AAAS: variants seen among roughly 807,000 people sequenced by gnomAD.
AAAS encodes aladin.
In AAAS, 60 loss-of-function variants were observed where a neutral mutation model predicts 75.6. The ratio of observed to expected loss-of-function variants is 0.79; its 90% CI spans 0.64 to 0.98. The LOEUF is 0.98. AAAS is among the 50% of genes least tolerant of loss of function. The pLI, the probability that AAAS is intolerant of heterozygous loss-of-function variation, is 0.00. For missense variants in AAAS, 658 were observed against 686.9 expected (o/e 0.96, Z 0.47); for synonymous variants, 271 against 265.0 (o/e 1.02, Z -0.22).
At chr12:53,317,540 G>T (rs944492309) in intron 2 of AAAS, among the ~76,000 whole-genome samples, 33 of 145,426 alleles carry the variant, frequency 2.3e-4, no homozygotes, top group African/African-American at 7.7e-4. Context: ...CTGGGCAACA[G>T]AGCGAGACTC....
At chr12:53,320,822 G>T in intron 1 of AAAS, 130 bp from the exon 2 acceptor site, 1 of 1,064,314 alleles carries the variant, frequency 9.4e-7, no homozygotes, top group Non-Finnish European at 1.4e-6. Context: ...TTTCCACAAA[G>T]CTAACACTTG....
chr12:53,308,279 C>T lies in AAAS; in HGVS notation c.1249+3G>A. 6.2e-7 allele frequency: 1 copy of T among 1,614,204 alleles called. No homozygotes were observed. The highest frequency in any genetic ancestry group is 8.5e-7 in the Non-Finnish European group (1 of 1,180,020). ...GGCTGAGCCCTTCATCCTTGCCTCT[C>T]ACCTTTCATAAGCACAGCCAGACGT... On this transcript the variant is annotated splice_donor_region_variant and intron_variant, in intron 13 of 15. Coordinates refer to ENST00000209873, the MANE Select transcript of AAAS (RefSeq NM_015665.6).
chr12:53,316,328 TAGTCCC>T (rs1406705945), intron 2 of AAAS, among the ~76,000 whole-genome samples: 1 of 151,430 alleles, frequency 6.6e-6, no homozygotes, highest in Non-Finnish European at 1.5e-5. Context: ...TGCGTACCTG[TAGTCCC>T]AGCTACTCAG....
In AAAS at chr12:53,321,599, C is replaced by T; in HGVS notation, c.-134G>A. 1 of 1,493,966 alleles carries T rather than the reference C, an allele frequency of 6.7e-7. No individual in the cohort carries two copies. The highest frequency in any genetic ancestry group is 9.2e-7 in the Non-Finnish European group (1 of 1,086,472). The allele number at this position is 1,493,966 out of a possible 1,614,324, so 92.5% of individuals were successfully genotyped here. ...GCAAGGGACAAACGGCGAGGCGGAA[C>T]TCAACGGAAGTGAAGAAAAGACTAA... On this transcript the variant is annotated 5_prime_UTR_variant, in exon 1 of 16. Transcript: ENST00000209873.
intron 2 of AAAS, among the ~76,000 whole-genome samples, chr12:53,316,864 G>A (rs1944470970): frequency 6.6e-6 from 1 of 151,530 alleles, no homozygotes; most frequent in Non-Finnish European, 1.5e-5. Flanking sequence ...TGGATCGCCT[G>A]AGCTCAAGAG....
In AAAS at chr12:53,315,320, G is replaced by A; in HGVS notation, c.399+15C>T. The A allele has an allele frequency of 6.2e-7, 1 of 1,613,860 alleles. No individual in the cohort carries two copies. Among genetic ancestry groups the A allele is most frequent in the Non-Finnish European group, 8.5e-7 (1 of 1,179,752 alleles). On this transcript the variant is annotated intron_variant, in intron 4 of 15. Transcript: ENST00000209873. ...CACAGCAAATGCAGAGGGCTGGGGA[G>A]GAAGCCAAACTTACAGACAGATGGG...
intron 1 of AAAS, 22 bp downstream of exon 1, chr12:53,321,321 C>T: frequency 6.2e-7 from 1 of 1,611,974 alleles, no homozygotes; most frequent in Non-Finnish European, 8.5e-7. Context: ...CTGTAGGTCC[C>T]CTCCCTCCTC....
chr12:53,307,515 G>T lies in AAAS; in HGVS notation c.1615C>A (p.Pro539Thr). Residue 539 changes from proline to threonine, a missense_variant, in exon 16 of 16, where the codon CCC (proline) becomes ACC (threonine). Transcript: ENST00000209873. ...DPLPGPPPVL[P>T]HSPHSHL Reference sequence around the variant, plus strand: ...TAGAGGTGGGAATGTGGGGAGTGGGGCAGAACAGGTGGTGGCCCTGGGAGA... The same window carrying T: ...TAGAGGTGGGAATGTGGGGAGTGGGTCAGAACAGGTGGTGGCCCTGGGAGA... The T allele has an allele frequency of 6.2e-7, 1 of 1,614,018 alleles. No individual in the cohort carries two copies. The highest frequency in any genetic ancestry group is 2.2e-5 in the East Asian group (1 of 44,876).
In AAAS at chr12:53,315,723, T is replaced by C; in HGVS notation, c.307+4A>G. On this transcript the variant is annotated splice_donor_region_variant and intron_variant, in intron 3 of 15. Transcript: ENST00000209873. Reference sequence around the variant, plus strand: ...TAGGGAAGGCTGGAGGGAAAAATACTTACCCTCTTCTTCTGAGTTTGCAAT... The same window carrying C: ...TAGGGAAGGCTGGAGGGAAAAATACCTACCCTCTTCTTCTGAGTTTGCAAT... The C allele has an allele frequency of 6.2e-7, 1 of 1,613,574 alleles. No individual in the cohort carries two copies. Among genetic ancestry groups the C allele is most frequent in the Non-Finnish European group, 8.5e-7 (1 of 1,179,782 alleles).
At position 53,308,333 on chromosome 12, in the gene AAAS, G is replaced by C; in HGVS notation, c.1198C>G (p.His400Asp). 6.2e-7 allele frequency: 1 copy of C among 1,614,170 alleles called. No individual in the cohort carries two copies. The highest frequency in any genetic ancestry group is 8.5e-7 in the Non-Finnish European group (1 of 1,180,024). ...DGEERLGGEAHSMVWDPSGER... is the reference protein window; with the variant it reads ...DGEERLGGEADSMVWDPSGER... ...CCACTGGGGTCCCAGACCATGGAGT[G>C]AGCCTCTCCCCCAAGCCTGTGGGTA... The change falls in exon 13 of 16, where the codon CAC becomes GAC. Residue 400 changes from histidine to aspartate, a missense_variant. Physicochemically the swap from His to Asp is moderately conservative, Grantham distance 81. Coordinates refer to ENST00000209873, the MANE Select transcript of AAAS (RefSeq NM_015665.6).
intron 7 of AAAS, among the ~76,000 whole-genome samples, chr12:53,313,002 G>A (rs759301471): frequency 8.6e-5 from 13 of 150,728 alleles, no homozygotes; most frequent in Non-Finnish European, 1.3e-4. Flanking sequence ...GACTACAGGC[G>A]AGCACCACCA....
chr12:53,308,480 G>C lies in AAAS; in HGVS notation c.1136C>G (p.Ala379Gly), dbSNP rs1489819129. The change falls in exon 12 of 16, where the codon GCA (alanine) becomes GGA (glycine). Residue 379 changes from alanine to glycine, a missense_variant. Physicochemically the swap from Ala to Gly is moderately conservative, Grantham distance 60. Transcript: ENST00000209873. ...VGGAKSATIV[A>G]DLSETTIQTP... is the part of the protein sequence containing the mutation. ...CTGTATTGTTGTCTCAGACAGATCT[G>C]CCACAATCGTTGCTGACTTTGCACC... 6.2e-7 allele frequency: 1 copy of C among 1,614,152 alleles called. No homozygotes were observed. Among genetic ancestry groups the C allele is most frequent in the East Asian group, 2.2e-5 (1 of 44,884 alleles).
At chr12:53,307,766 C>A in intron 15 of AAAS, 53 bp from the exon 16 acceptor site, 1 of 1,612,834 alleles carries the variant, frequency 6.2e-7, no homozygotes, top group East Asian at 2.2e-5. Flanking sequence ...GAAGGGCCAC[C>A]TGGCAGAGCC....
rs1555190171 is a variant in AAAS, at chr12:53,308,952, C to T, written c.996+8G>A. On this transcript the variant is annotated splice_region_variant and intron_variant, in intron 10 of 15. Transcript: ENST00000209873. ...CCCCAGTGTCTGTGAATCAGAGTCC[C>T]CTCTTACCTGACAGCGCCCTGATAG... is the stretch of plus-strand genomic sequence containing the variant. 6.2e-7 allele frequency: 1 copy of T among 1,614,162 alleles called. No homozygotes were observed. Among genetic ancestry groups the T allele is most frequent in the Admixed American group, 1.7e-5 (1 of 60,014 alleles).
At position 53,307,708 on chromosome 12, in the gene AAAS, C is replaced by T; in HGVS notation, c.1422G>A (p.Trp474Ter). 1 of 1,614,072 alleles carries T rather than the reference C, an allele frequency of 6.2e-7. No individual in the cohort carries two copies. The stretch of plus-strand genomic sequence containing the variant: ...GGATGTGGGCAATTCGGCCTGTGGA[C>T]CAGCCCTGCAGAGAAGGGAAAGAAA... ...FNKGALLSVG[W>*]STGRIAHIPL... Residue 474 changes from tryptophan (W) to a stop codon, truncating the protein, a stop_gained, in exon 16 of 16, where the codon TGG (tryptophan) becomes TGA (stop). Coordinates refer to ENST00000209873, the MANE Select transcript of AAAS (RefSeq NM_015665.6). LOFTEE classifies it high-confidence loss of function.
chr12:53,309,138 C>G lies in AAAS; in HGVS notation c.935+19G>C. Reference sequence around the variant, plus strand: ...CTTTCTCTAGGTCCTTGCCCTCCCTCCATCCTTGTCCCACTCACCGAAAGA... The same window carrying G: ...CTTTCTCTAGGTCCTTGCCCTCCCTGCATCCTTGTCCCACTCACCGAAAGA... On this transcript the variant is annotated intron_variant, in intron 9 of 15. Transcript: ENST00000209873. 3 of 1,614,188 alleles carry G rather than the reference C, an allele frequency of 1.9e-6. No individual in the cohort carries two copies. The highest frequency in any genetic ancestry group is 2.5e-6 in the Non-Finnish European group (3 of 1,180,030).
chr12:53,307,617 G>GGGC lies in AAAS; in HGVS notation c.1512_1513insGCC (p.Pro504_Pro505insAla). 5.0e-6 allele frequency: 8 copies of GGGC among 1,614,224 alleles called. No homozygotes were observed. Among genetic ancestry groups the GGGC allele is most frequent in the Non-Finnish European group, 6.8e-6 (8 of 1,180,034 alleles). ...TGAATAGAGCCTCCACCCCCAGCAG[G>GGGC]GGGTTCCTGGGCCCGCCCAAGCACT... On this transcript the variant is annotated inframe_insertion, in exon 16 of 16. Coordinates refer to ENST00000209873, the MANE Select transcript of AAAS (RefSeq NM_015665.6).
intron 1 of AAAS, 112 bp from the exon 2 acceptor site, chr12:53,320,804 G>A: frequency 2.3e-6 from 3 of 1,286,158 alleles, no homozygotes; most frequent in African/African-American, 2.9e-5. Context: ...CCAGAGGTCT[G>A]TTTCCCATTT....
intron 4 of AAAS, 49 bp downstream of exon 4, chr12:53,315,286 G>T (rs1944444761): frequency 1.1e-5 from 18 of 1,606,042 alleles, no homozygotes; most frequent in Non-Finnish European, 1.4e-5. Context: ...GGGCAGAGTA[G>T]GATGGGGACA....
Sources: allele counts gnomAD v4.1 joint callset (sites outside exome capture counted in the v4.1 genomes callset), GRCh38; gene constraint gnomAD v4.1.1; transcripts MANE v1.5; gene names NCBI Gene and HGNC (gene_info 2026-07-23, HGNC 2026-07-21).